Variants in MED14 observed in about 807,000 individuals in gnomAD.
MED14 encodes mediator complex subunit 14, also known as mediator of RNA polymerase II transcription subunit 14.
Under a neutral mutation model 109.0 loss-of-function variants are expected in MED14, and 8 were observed. That is an observed-to-expected ratio of 0.07 (90% CI 0.04 to 0.13). MED14 has a LOEUF of 0.13. Ranked by LOEUF, MED14 falls within the 10% of genes least tolerant of loss-of-function variation. The pLI, the probability that MED14 is intolerant of heterozygous loss-of-function variation, is 1.00. For missense variants in MED14, 711 were observed against 1,142.4 expected (o/e 0.62, Z 5.44); for synonymous variants, 399 against 408.7 (o/e 0.98, Z 0.29).
intron 3 of MED14, chrX:40,726,510 T>C (rs1931899441): frequency 7.5e-6 from 2 of 268,440 alleles, no homozygotes; most frequent in Non-Finnish European, 1.3e-5. Flanking sequence ...AGTTCCAGTC[T>C]CATATTTAAA....
At chrX:40,735,969 C>T (rs1932258910), upstream of MED14, 6 of 235,841 alleles carry the variant, frequency 2.5e-5, no homozygotes, top group South Asian at 2.3e-4. Flanking sequence ...CCCTTACCCT[C>T]GCCGCTCTCC....
At chrX:40,663,867 T>C (rs1170391389) in intron 25 of MED14, among the ~76,000 whole-genome samples, 1 of 112,052 alleles carries the variant, frequency 8.9e-6, no homozygotes. Flanking sequence ...TCCTAAAATT[T>C]TTGGACTCTT....
chrX:40,679,438 C>T (rs1364465133), intron 21 of MED14, among the ~76,000 whole-genome samples: 1 of 111,546 alleles, frequency 9.0e-6, no homozygotes, highest in Non-Finnish European at 1.9e-5. Flanking sequence ...ACCCACATGG[C>T]TGAAGTTGCA....
intron 24 of MED14, among the ~76,000 whole-genome samples, chrX:40,665,946 A>C (rs191531316): frequency 8.9e-6 from 1 of 112,608 alleles, no homozygotes; most frequent in East Asian, 2.8e-4. Context: ...GGATATTATT[A>C]CACCATATGG....
At chrX:40,664,564 C>G in intron 24 of MED14, 75 bp from the exon 25 acceptor site, 1 of 641,234 alleles carries the variant, frequency 1.6e-6, no homozygotes, top group East Asian at 4.3e-5. Context: ...GCATTCAAAT[C>G]TTTACACAGT....
At chrX:40,682,217 T>TTAAA (rs1930143111) in intron 18 of MED14, among the ~76,000 whole-genome samples, 1 of 111,831 alleles carries the variant, frequency 8.9e-6, no homozygotes, top group Non-Finnish European at 1.9e-5. Context: ...TGGGACTTTA[T>TTAAA]GCAAAGTTCT....
intron 3 of MED14, among the ~76,000 whole-genome samples, chrX:40,717,908 AG>A (rs760178479): frequency 2.0e-4 from 23 of 112,379 alleles, no homozygotes; most frequent in African/African-American, 7.1e-4. Context: ...CTTAAAACAT[AG>A]TACCCAGAAT....
At chrX:40,678,812 A>G (rs932150216) in intron 21 of MED14, among the ~76,000 whole-genome samples, 2 of 108,423 alleles carry the variant, frequency 1.8e-5, no homozygotes, top group African/African-American at 6.9e-5. Flanking sequence ...TCTCCAAAAA[A>G]AGAAAAGAAA....
Position 40,660,725 on chromosome X carries a change from C to CA in MED14, c.3685-1119dup, listed in dbSNP as rs1025740858. On this transcript the variant is annotated intron_variant, in intron 26 of 30. Coordinates refer to ENST00000324817, the MANE Select transcript of MED14 (RefSeq NM_004229.4). ...GAAAGCTTACATAGATGGTAAGTGG[C>CA]ATAGCTGAGGCTAGATCCCGGGTCT... Among the ~76,000 whole-genome samples, 36 of 112,276 alleles carry CA rather than the reference C, an allele frequency of 3.2e-4. 3 individuals are homozygous for CA. The highest frequency in any genetic ancestry group is 3.0e-3 in the Admixed American group (32 of 10,653).
upstream of MED14, chrX:40,735,546 G>A (rs1288589145): frequency 7.7e-6 from 5 of 650,080 alleles, no homozygotes. Flanking sequence ...AGAACAGGAA[G>A]CCGTGCGCCG....
intron 15 of MED14, 147 bp from the exon 16 acceptor site, chrX:40,688,677 C>T (rs1350443426): frequency 7.7e-6 from 3 of 388,322 alleles, no homozygotes; most frequent in Non-Finnish European, 1.4e-5. Context: ...GTATTATCCC[C>T]ATCATTAGAT....
At position 40,651,732 on chromosome X, in the gene MED14, T is replaced by G; in HGVS notation, c.*74A>C. ...TTAAAAAAAAAGTCCTTTTCCTTTT[T>G]TAAACTGAAGGCTGAATTCAGATTT... is the stretch of plus-strand genomic sequence containing the variant. On this transcript the variant is annotated 3_prime_UTR_variant, in exon 31 of 31. Coordinates refer to ENST00000324817, the MANE Select transcript of MED14 (RefSeq NM_004229.4). 16 of 1,107,980 alleles carry G rather than the reference T, an allele frequency of 1.4e-5. No homozygotes were observed. The highest frequency in any genetic ancestry group is 1.9e-5 in the Non-Finnish European group (16 of 848,623). The allele number at this position is 1,107,980 out of a possible 1,213,427, so 91.3% of individuals were successfully genotyped here. A position where few individuals can be genotyped will look rare whatever the true frequency, so the allele number is the denominator to read the frequency against.
chrX:40,685,887 G>A (rs1156937817), intron 16 of MED14, among the ~76,000 whole-genome samples: 1 of 112,037 alleles, frequency 8.9e-6, no homozygotes, highest in Admixed American at 9.5e-5. Flanking sequence ...CAATTTTAAA[G>A]CTTTGAAGTA....
At chrX:40,680,683 G>A in intron 20 of MED14, 75 bp downstream of exon 20, 1 of 914,496 alleles carries the variant, frequency 1.1e-6, no homozygotes, top group Non-Finnish European at 1.5e-6. Context: ...CTCCCAAAGG[G>A]TTGGGATTAC....
chrX:40,700,696 A>G (rs1212593640), intron 12 of MED14, among the ~76,000 whole-genome samples: 4 of 111,422 alleles, frequency 3.6e-5, no homozygotes, highest in Non-Finnish European at 7.5e-5. Context: ...TCCATTTTCA[A>G]TTTTATTTAG....
intron 10 of MED14, among the ~76,000 whole-genome samples, chrX:40,708,494 T>C (rs1045484862): frequency 8.9e-6 from 1 of 112,221 alleles, no homozygotes; most frequent in South Asian, 3.6e-4. Flanking sequence ...AGCTCTGTGA[T>C]GACAAAAGGC....
intron 21 of MED14, 96 bp from the exon 22 acceptor site, chrX:40,675,457 T>C (rs992335366): frequency 6.3e-5 from 40 of 632,441 alleles, no homozygotes; most frequent in Non-Finnish European, 7.6e-5. Context: ...AAACACAGTA[T>C]GTTGATCCTT....
chrX:40,671,487 A>G (rs1468476300), intron 23 of MED14, among the ~76,000 whole-genome samples: 1 of 112,188 alleles, frequency 8.9e-6, no homozygotes, highest in Non-Finnish European at 1.9e-5. Context: ...AGCCATAGAC[A>G]TTATATAAAC....
chrX:40,690,901 C>A (rs893283021), intron 15 of MED14, among the ~76,000 whole-genome samples: 6 of 112,416 alleles, frequency 5.3e-5, no homozygotes, highest in South Asian at 7.3e-4. Context: ...AATCCCTGTT[C>A]TAAAGCATGA....
Sources: allele counts gnomAD v4.1 joint callset (sites outside exome capture counted in the v4.1 genomes callset), GRCh38; gene constraint gnomAD v4.1.1; transcripts MANE v1.5; gene names NCBI Gene and HGNC (gene_info 2026-07-23, HGNC 2026-07-21).